The following CLCN7 variants were observed in gnomAD, a reference collection of about 807,000 sequenced individuals.
The protein encoded by CLCN7 is H(+)/Cl(-) exchange transporter 7.
In CLCN7, 60 loss-of-function variants were observed where a neutral mutation model predicts 102.1. The ratio of observed to expected loss-of-function variants is 0.59; its 90% CI spans 0.48 to 0.73. The LOEUF (loss-of-function observed/expected upper bound fraction) is 0.73. CLCN7 is among the 30% of genes least tolerant of loss of function. The pLI is 0.00. For missense variants in CLCN7, 962 were observed against 1,125.7 expected, an observed-to-expected ratio of 0.85 and a Z score of 2.08; for synonymous variants, 560 against 490.5, an observed-to-expected ratio of 1.14 and a Z score of -1.87.
Position 1,452,815 on chromosome 16 carries a change from C to A in CLCN7, c.1293G>T (p.Leu431=). 6.2e-7 allele frequency: 1 copy of A among 1,604,740 alleles called. No homozygotes were observed. The highest frequency in any genetic ancestry group is 8.5e-7 in the Non-Finnish European group (1 of 1,176,124). ...AAVTATVAFV[L]IYSSRDCQPL... is the part of the protein sequence containing the mutation. ...GCTGGCAATCCCGCGACGAGTAGAT[C>A]AGCACGAAGGCAACTGTGGCCGTGA... The change falls in exon 15 of 25, where the codon CTG becomes CTT. Residue 431 remains leucine (L), a synonymous_variant. Transcript: ENST00000382745.
Position 1,452,738 on chromosome 16 carries a change from C to CG in CLCN7, c.1353+16dup, listed in dbSNP as rs1295454072. The CG allele has an allele frequency of 1.9e-6, 3 of 1,577,870 alleles. No homozygotes were observed. The highest frequency in any genetic ancestry group is 4.7e-5 in the East Asian group (2 of 42,622). On this transcript the variant is annotated intron_variant, in intron 15 of 24. Coordinates refer to ENST00000382745, the MANE Select transcript of CLCN7 (RefSeq NM_001287.6). ...GCTGCCCTGCCTGCTGGACCCCGCCCGGGCCCAGCCTCCCACCTGCAGCGG... is the reference window on the plus strand; with the variant it reads ...GCTGCCCTGCCTGCTGGACCCCGCCCGGGGCCCAGCCTCCCACCTGCAGCGG...
intron 1 of CLCN7, among the ~76,000 whole-genome samples, chr16:1,465,761 GC>G (rs1453493722): frequency 6.6e-6 from 1 of 152,228 alleles, no homozygotes; most frequent in Non-Finnish European, 1.5e-5. Flanking sequence ...CTCCACTGCA[GC>G]CTCTCTGGGT....
At chr16:1,464,780 C>T (rs548812241) in intron 2 of CLCN7, among the ~76,000 whole-genome samples, 38 of 152,336 alleles carry the variant, frequency 2.5e-4, no homozygotes, top group South Asian at 1.7e-3. Flanking sequence ...AGAGGACTCC[C>T]GGCCTCACCA....
rs115246686 is a variant in CLCN7 at position 1,457,074 on chromosome 16, T to C, written c.822+180A>G. On this transcript the variant is annotated intron_variant, in intron 9 of 24. Coordinates refer to ENST00000382745, the MANE Select transcript of CLCN7 (RefSeq NM_001287.6). The surrounding 1 kb of genome is among the most constrained non-coding windows in gnomAD (Gnocchi z 5.4). Reference sequence around the variant, plus strand: ...ACCCAAGGAGGGAAGCAGCGGGCCGTAGGGAGGCCTTGCCGGGCAGGGACT... The same window carrying C: ...ACCCAAGGAGGGAAGCAGCGGGCCGCAGGGAGGCCTTGCCGGGCAGGGACT... 3.4e-3 allele frequency among the ~76,000 whole-genome samples: 521 copies of C among 152,190 alleles called. 3 individuals carry two copies. The highest frequency in any genetic ancestry group is 0.012 in the African/African-American group (502 of 41,524).
In CLCN7 at chr16:1,447,380, C is replaced by G; in HGVS notation, c.2250+12G>C. 6.5e-7 allele frequency: 1 copy of G among 1,545,640 alleles called. No individual in the cohort carries two copies. The highest frequency in any genetic ancestry group is 8.7e-7 in the Non-Finnish European group (1 of 1,144,588). ...CCCAGGCCCCACGCCCATGCCCATG[C>G]CCTGCACATGCCTGGGGCACCGTGT... On this transcript the variant is annotated intron_variant, in intron 23 of 24. Coordinates refer to ENST00000382745, the MANE Select transcript of CLCN7 (RefSeq NM_001287.6).
At chr16:1,449,395 G>T (rs1011960333) in intron 17 of CLCN7, 68 bp from the exon 18 acceptor site, 1 of 1,481,252 alleles carries the variant, frequency 6.8e-7, no homozygotes, top group Non-Finnish European at 9.2e-7. Flanking sequence ...ATACACAGAC[G>T]GAGGAGGCCC....
At chr16:1,470,297 C>G (rs530946936) in intron 1 of CLCN7, among the ~76,000 whole-genome samples, 1 of 152,270 alleles carries the variant, frequency 6.6e-6, no homozygotes, top group South Asian at 2.1e-4. Flanking sequence ...ATGCCTGGCT[C>G]AAAATGGTAA....
At position 1,456,613 on chromosome 16, in the gene CLCN7, C is replaced by T. The variant is rs1424644429; in HGVS notation, c.823-407G>A. 5.9e-5 allele frequency among the ~76,000 whole-genome samples: 9 copies of T among 152,254 alleles called. No homozygotes were observed. In the East Asian group the frequency reaches 9.7e-4, roughly 16 times the overall value. ...CAGCACTTTGGGAGGCCGAGGCAGG[C>T]GGATCACCTGAGGTCGGGAGTTTGA... On this transcript the variant is annotated intron_variant, in intron 9 of 24. Coordinates refer to ENST00000382745, the MANE Select transcript of CLCN7 (RefSeq NM_001287.6).
chr16:1,465,407 C>T (rs1263535870), intron 1 of CLCN7, 69 bp from the exon 2 acceptor site: 7 of 1,398,422 alleles, frequency 5.0e-6, no homozygotes, highest in Middle Eastern at 2.2e-4. Flanking sequence ...TTCTCACTCC[C>T]GCCGCCGCAC....
At position 1,457,173 on chromosome 16, in the gene CLCN7, G is replaced by A; in HGVS notation, c.822+81C>T. On this transcript the variant is annotated intron_variant, in intron 9 of 24. Coordinates refer to ENST00000382745, the MANE Select transcript of CLCN7 (RefSeq NM_001287.6). This position sits in a 1 kb window ranked among gnomAD's most constrained non-coding sequence, Gnocchi z 5.4. ...CTGGGGCTCTCGGCCTGGGGGTGCT[G>A]AGGGAAGCCCATCTCCCTGAGTGGT... The A allele has an allele frequency of 7.6e-7, 1 of 1,315,106 alleles. No homozygotes were observed. Among genetic ancestry groups the A allele is most frequent in the Non-Finnish European group, 1.1e-6 (1 of 909,156 alleles). 81.5% of individuals were successfully genotyped at this position (1,315,106 alleles called of 1,614,324 possible). A position where few individuals can be genotyped will look rare whatever the true frequency, so the allele number is the denominator to read the frequency against.
rs571860426 is a variant in CLCN7, at chr16:1,463,360, G to T, written c.214-1686C>A. On this transcript the variant is annotated intron_variant, in intron 2 of 24. Coordinates refer to ENST00000382745, the MANE Select transcript of CLCN7 (RefSeq NM_001287.6). ...ACCTCAGCAATACAACCTGTGCGGG[G>T]TGTGATGCACCTGTGGTCCCAGCTC... Among the ~76,000 whole-genome samples, 24 of 152,284 alleles carry T rather than the reference G, an allele frequency of 1.6e-4. No homozygotes were observed. In the East Asian group the frequency reaches 3.3e-3, roughly 21 times the overall value.
At chr16:1,453,969 CAGG>C (rs750303354) in intron 13 of CLCN7, 75 bp from the exon 14 acceptor site, 9 of 1,476,360 alleles carry the variant, frequency 6.1e-6, no homozygotes, top group South Asian at 1.1e-5. Flanking sequence ...TCCCAGATGG[CAGG>C]AGAAGCTGGA....
intron 1 of CLCN7, among the ~76,000 whole-genome samples, chr16:1,465,731 T>G (rs1323537377): frequency 6.6e-6 from 1 of 152,230 alleles, no homozygotes; most frequent in African/African-American, 2.4e-5. Context: ...CTCAGCCACC[T>G]GCCACCTCCA....
intron 2 of CLCN7, 109 bp from the exon 3 acceptor site, chr16:1,461,783 G>C (rs1158062456): frequency 2.1e-6 from 2 of 934,600 alleles, no homozygotes; most frequent in East Asian, 4.9e-5. Flanking sequence ...CAAGGACAAG[G>C]ACACAGCAAG....
chr16:1,454,988 G>A lies in CLCN7; in HGVS notation c.1098+146C>T, dbSNP rs894185851. ...TGGGGTGTCTTCCTGCAGCCCCTCGGGGCCCTGGAGCTTACACAAGAGCTC... is the reference window on the plus strand; with the variant it reads ...TGGGGTGTCTTCCTGCAGCCCCTCGAGGCCCTGGAGCTTACACAAGAGCTC... On this transcript the variant is annotated intron_variant, in intron 12 of 24. Coordinates refer to ENST00000382745, the MANE Select transcript of CLCN7 (RefSeq NM_001287.6). The A allele has an allele frequency of 3.3e-5, 22 of 671,934 alleles. No homozygotes were observed. The Admixed American group carries it at 4.7e-4, about 14-fold the overall frequency. 41.6% of individuals were successfully genotyped at this position (671,934 alleles called of 1,614,324 possible).
intron 15 of CLCN7, chr16:1,452,499 G>T (rs2038767542): frequency 1.9e-6 from 1 of 539,594 alleles, no homozygotes; most frequent in Admixed American, 3.2e-5. Context: ...GCCCCGTCAG[G>T]CTGCCATTCT....
rs562329083 is a variant in CLCN7 at position 1,469,764 on chromosome 16, C to T, written c.142-4426G>A. Among the ~76,000 whole-genome samples, 66 of 152,328 alleles carry T rather than the reference C, an allele frequency of 4.3e-4. 1 individual carries two copies. The South Asian group carries it at 0.012, about 28-fold the overall frequency. ...GCAGCGTCTGAAAGTCCCACTTGCA[C>T]GCCATGTTCACAGCAGCACCGTTCA... On this transcript the variant is annotated intron_variant, in intron 1 of 24. Coordinates refer to ENST00000382745, the MANE Select transcript of CLCN7 (RefSeq NM_001287.6).
intron 24 of CLCN7, 123 bp from the exon 25 acceptor site, chr16:1,446,840 C>G (rs1302136680): frequency 3.6e-6 from 4 of 1,126,298 alleles, no homozygotes; most frequent in Non-Finnish European, 5.3e-6. Flanking sequence ...AGCACAGCCC[C>G]CGAGCTGAGC....
chr16:1,463,393 A>G (rs11859230), intron 2 of CLCN7, among the ~76,000 whole-genome samples: 72,172 of 152,014 alleles, frequency 0.47, 17,503 homozygotes, highest in African/African-American at 0.55. Flanking sequence ...CTCCTCAGGA[A>G]GAAGCTGAAA....
Sources: gnomAD v4.1 joint callset for allele counts (sites outside exome capture counted in the v4.1 genomes callset) on GRCh38, gnomAD v4.1.1 for gene constraint, Gnocchi (gnomAD v3.1) non-coding constraint, MANE v1.5 for transcripts, NCBI Gene and HGNC (gene_info 2026-07-23, HGNC 2026-07-21) for gene names.